TAFA2: variants seen among roughly 807,000 people sequenced by gnomAD.
TAFA2 encodes the protein chemokine-like protein TAFA-2.
Under a neutral mutation model 18.8 loss-of-function variants are expected in TAFA2, and 7 were observed. The ratio of observed to expected loss-of-function variants is 0.37; its 90% confidence interval spans 0.21 to 0.70. The LOEUF (loss-of-function observed/expected upper bound fraction) is 0.70, where lower values mean the gene tolerates loss of function less well. Ranked by LOEUF, TAFA2 falls within the 30% of genes least tolerant of loss-of-function variation. The pLI is 0.53. For missense variants in TAFA2, 122 were observed against 158.1 expected (o/e 0.77, Z 1.23); for synonymous variants, 60 against 54.2 (o/e 1.11, Z -0.47).
At chr12:61,929,722 A>T (rs1877472192) in intron 1 of TAFA2, among the ~76,000 whole-genome samples, 1 of 152,046 alleles carries the variant, frequency 6.6e-6, no homozygotes, top group South Asian at 2.1e-4. Flanking sequence ...TTATTGCGGC[A>T]CTATTCACAA....
In TAFA2 at chr12:61,976,188, A is replaced by G. The variant is rs568113335; in HGVS notation, c.-1-108762T>C. Among the ~76,000 whole-genome samples, 5 of 151,928 alleles carry G rather than the reference A, an allele frequency of 3.3e-5. No individual in the cohort carries two copies. In the East Asian group the frequency reaches 7.8e-4, roughly 24 times the overall value. On this transcript the variant is annotated intron_variant, in intron 1 of 4. Coordinates refer to ENST00000416284, the MANE Select transcript of TAFA2 (RefSeq NM_178539.5). ...ATTAATAGATGAAAAATCAAACATG[A>G]TATGTTTTGCCTTTTCATTTTCTTC...
intron 4 of TAFA2, among the ~76,000 whole-genome samples, chr12:61,715,313 G>A (rs1869601407): frequency 6.6e-6 from 1 of 152,034 alleles, no homozygotes; most frequent in African/African-American, 2.4e-5. Context: ...GTTCAGGCCT[G>A]TAATCCCAAT....
At chr12:61,717,515 T>A (rs868286095) in intron 4 of TAFA2, among the ~76,000 whole-genome samples, 43 of 152,304 alleles carry the variant, frequency 2.8e-4, no homozygotes, top group African/African-American at 9.6e-4. Flanking sequence ...GGCCTGAACA[T>A]TTATTTTAAC....
intron 1 of TAFA2, among the ~76,000 whole-genome samples, chr12:61,911,419 A>G (rs1359783357): frequency 4.6e-5 from 7 of 152,196 alleles, no homozygotes; most frequent in African/African-American, 1.7e-4. Context: ...TCCATGGAAC[A>G]TGAAGCTAAA....
rs537415933 is a variant in TAFA2 at position 62,213,285 on chromosome 12, T to C, written c.-130+45478A>G. On this transcript the variant is annotated intron_variant, in intron 1 of 5. Transcript: ENST00000551619. ...AGGTGTACTCTGTTTATGGATAAGC[T>C]GCCTAGTTTTCAAGATGATTACCTG... is the stretch of plus-strand genomic sequence containing the variant. Among the ~76,000 whole-genome samples the C allele has an allele frequency of 2.0e-5, 3 of 152,318 alleles. No homozygotes were observed. In the South Asian group the frequency reaches 6.2e-4, roughly 32 times the overall value.
chr12:62,246,009 C>T (rs1479674534), intron 1 of TAFA2, among the ~76,000 whole-genome samples: 6 of 142,688 alleles, frequency 4.2e-5, no homozygotes, highest in East Asian at 2.0e-4. Flanking sequence ...TTTTTTGAGA[C>T]GGAGTCTCAC....
chr12:62,072,626 CA>C (rs1313662934), intron 1 of TAFA2, among the ~76,000 whole-genome samples: 1 of 151,236 alleles, frequency 6.6e-6, no homozygotes, highest in Non-Finnish European at 1.5e-5. Flanking sequence ...ACAAAAAATA[CA>C]AAAAATTAGC....
chr12:61,920,379 C>T (rs1363905016), intron 1 of TAFA2, among the ~76,000 whole-genome samples: 2 of 152,128 alleles, frequency 1.3e-5, no homozygotes, highest in Non-Finnish European at 2.9e-5. Flanking sequence ...CACAAATCTC[C>T]TCTCCCAGGG....
intron 1 of TAFA2, among the ~76,000 whole-genome samples, chr12:62,168,654 G>A (rs1233757564): frequency 6.6e-6 from 1 of 152,060 alleles, no homozygotes; most frequent in Non-Finnish European, 1.5e-5. Context: ...GGGCAATATG[G>A]CAAGACCCAG....
chr12:62,008,250 TACTGTC>T, intron 1 of TAFA2, among the ~76,000 whole-genome samples: 1 of 132,858 alleles, frequency 7.5e-6, no homozygotes, highest in Admixed American at 8.1e-5. Context: ...TCTTCTTTGT[TACTGTC>T]ATTTCCTTTT....
At chr12:62,076,654 A>G (rs146925182) in intron 1 of TAFA2, among the ~76,000 whole-genome samples, 15 of 152,286 alleles carry the variant, frequency 9.8e-5, no homozygotes, top group Admixed American at 9.2e-4. Context: ...GTGTATTTAA[A>G]CAATACTTCT....
intron 1 of TAFA2, among the ~76,000 whole-genome samples, chr12:62,071,457 C>T (rs1166817698): frequency 6.6e-6 from 1 of 152,104 alleles, no homozygotes; most frequent in African/African-American, 2.4e-5. Flanking sequence ...AGGAGAGCAA[C>T]ATGGTCTCAT....
intron 1 of TAFA2, among the ~76,000 whole-genome samples, chr12:62,024,516 A>G (rs1405385576): frequency 6.6e-6 from 1 of 152,180 alleles, no homozygotes; most frequent in Non-Finnish European, 1.5e-5. Context: ...ATCCTAGAAT[A>G]AAACTTAGAA....
chr12:61,834,060 C>G (rs1378541756), intron 2 of TAFA2, among the ~76,000 whole-genome samples: 1 of 152,030 alleles, frequency 6.6e-6, no homozygotes, highest in Admixed American at 6.6e-5. Flanking sequence ...CCTTCAAGAT[C>G]CATGACAATA....
intron 1 of TAFA2, among the ~76,000 whole-genome samples, chr12:61,908,351 A>G (rs1480638145): frequency 6.6e-6 from 1 of 151,984 alleles, no homozygotes; most frequent in Non-Finnish European, 1.5e-5. Context: ...GGTTTTATAA[A>G]AGGGCACTCC....
intron 1 of TAFA2, among the ~76,000 whole-genome samples, chr12:61,981,533 T>C (rs953141439): frequency 2.6e-5 from 4 of 152,106 alleles, no homozygotes; most frequent in Admixed American, 6.5e-5. Flanking sequence ...ACCAACAGAA[T>C]GGGAGGAAAT....
chr12:62,148,183 A>T (rs773857587), intron 1 of TAFA2, among the ~76,000 whole-genome samples: 1 of 152,220 alleles, frequency 6.6e-6, no homozygotes, highest in Non-Finnish European at 1.5e-5. Context: ...AAATAAAATT[A>T]CCATTCAATC....
At chr12:61,711,806 G>T (rs1034706502) in intron 4 of TAFA2, among the ~76,000 whole-genome samples, 2 of 152,008 alleles carry the variant, frequency 1.3e-5, no homozygotes, top group African/African-American at 4.8e-5. Flanking sequence ...AACCATGGAA[G>T]AAGTTGTGCC....
intron 1 of TAFA2, among the ~76,000 whole-genome samples, chr12:62,067,412 C>CTTTTAGTAGTTT (rs1882518590): frequency 1.3e-5 from 2 of 151,872 alleles, no homozygotes; most frequent in Non-Finnish European, 2.9e-5. Context: ...TGGAGAGTTT[C>CTTTTAGTAGTTT]CCCTATGTTT....
Sources: gnomAD v4.1 joint callset for allele counts (sites outside exome capture counted in the v4.1 genomes callset) on GRCh38, gnomAD v4.1.1 for gene constraint, MANE v1.5 for transcripts, NCBI Gene and HGNC (gene_info 2026-07-23, HGNC 2026-07-21) for gene names.